Variants in ZBTB7C observed in about 807,000 individuals in gnomAD.
The protein encoded by ZBTB7C is zinc finger and BTB domain-containing protein 7C.
Under a neutral mutation model 25.7 loss-of-function variants are expected in ZBTB7C, and 8 were observed. The observed-to-expected ratio is 0.31, with a 90% CI of 0.18 to 0.56. The LOEUF is 0.56. Ranked by LOEUF, ZBTB7C falls within the 20% of genes least tolerant of loss-of-function variation. The probability of loss-of-function intolerance (pLI) is 0.91; values close to 1 mark genes in which losing one functional copy is unlikely to be tolerated. For synonymous variants in ZBTB7C, 394 were observed against 369.0 expected, an observed-to-expected ratio of 1.07 and a Z score of -0.78; for missense variants, 824 against 855.2, an observed-to-expected ratio of 0.96 and a Z score of 0.46.
Position 48,135,172 on chromosome 18 carries a change from T to G in ZBTB7C, c.-17+50762A>C, listed in dbSNP as rs115085253. On this transcript the variant is annotated intron_variant, in intron 3 of 4. Coordinates refer to ENST00000590800, the MANE Select transcript of ZBTB7C (RefSeq NM_001318841.2). The stretch of plus-strand genomic sequence containing the variant: ...TTCCCATTGACAGAGGCCAGAGATC[T>G]CGTCTGATTTCAGTTACTGATGTAT... Among the ~76,000 whole-genome samples the G allele has an allele frequency of 7.6e-3, 1,158 of 152,322 alleles. 19 individuals carry two copies. Among genetic ancestry groups the G allele is most frequent in the African/African-American group, 0.026 (1,098 of 41,560 alleles).
chr18:48,284,710 G>C (rs976251278), intron 2 of ZBTB7C, among the ~76,000 whole-genome samples: 1 of 146,198 alleles, frequency 6.8e-6, no homozygotes, highest in Non-Finnish European at 1.5e-5. Context: ...AGAATTGCTT[G>C]AACCCAGGAG....
chr18:48,360,949 AG>A (rs2047090703), intron 1 of ZBTB7C, among the ~76,000 whole-genome samples: 1 of 152,108 alleles, frequency 6.6e-6, no homozygotes, highest in Non-Finnish European at 1.5e-5. Flanking sequence ...CAAGGGTCAC[AG>A]GTGTGTTTTG....
intron 3 of ZBTB7C, among the ~76,000 whole-genome samples, chr18:48,070,214 G>A (rs950028713): frequency 6.6e-6 from 1 of 152,164 alleles, no homozygotes; most frequent in Non-Finnish European, 1.5e-5. Flanking sequence ...ACATAGCAGC[G>A]AATAAAAGTG....
chr18:48,353,585 A>G (rs1424254327), intron 1 of ZBTB7C, among the ~76,000 whole-genome samples: 1 of 152,132 alleles, frequency 6.6e-6, no homozygotes, highest in Non-Finnish European at 1.5e-5. Context: ...GTCCCCCAGT[A>G]TTCTCCAATC....
At chr18:48,395,262 AGAATGTGTGTGTGTGTGTGTGTG>A (rs2047994933) in intron 1 of ZBTB7C, among the ~76,000 whole-genome samples, 1 of 144,052 alleles carries the variant, frequency 6.9e-6, no homozygotes, top group South Asian at 2.2e-4. Flanking sequence ...AGAGAGAGAG[AGAATGTGTGTGTGTGTGTGTGTG>A]TGTGTGTGTG....
chr18:48,269,594 T>C (rs890453997), intron 2 of ZBTB7C, among the ~76,000 whole-genome samples: 4 of 152,222 alleles, frequency 2.6e-5, no homozygotes, highest in South Asian at 2.1e-4. Flanking sequence ...TGTGCTGATA[T>C]AGCGTAGGCA....
chr18:48,146,226 GT>G (rs2040494409), intron 3 of ZBTB7C, among the ~76,000 whole-genome samples: 2 of 152,228 alleles, frequency 1.3e-5, no homozygotes, highest in South Asian at 4.1e-4. Flanking sequence ...TGGAATAAAA[GT>G]TTTATAAATG....
Position 48,029,068 on chromosome 18 carries a change from G to A in ZBTB7C, c.*192C>T, listed in dbSNP as rs2035612357. On this transcript the variant is annotated 3_prime_UTR_variant, in exon 5 of 5. Coordinates refer to ENST00000590800, the MANE Select transcript of ZBTB7C (RefSeq NM_001318841.2). ...CCTGGCCTTTTGGGAAAAGATGCCC[G>A]TCTCAGACCAGCAAAAGGAGGCAGC... 1 of 809,508 alleles carries A rather than the reference G, an allele frequency of 1.2e-6. No homozygotes were observed. Among genetic ancestry groups the A allele is most frequent in the Non-Finnish European group, 1.8e-6 (1 of 558,578 alleles). The allele number at this position is 809,508 out of a possible 1,614,324, so 50.1% of individuals were successfully genotyped here. A position where few individuals can be genotyped will look rare whatever the true frequency, so the allele number is the denominator to read the frequency against.
chr18:48,041,014 G>A lies in ZBTB7C; in HGVS notation c.94C>T (p.Leu32=), dbSNP rs746728168. 12 of 1,614,102 alleles carry A rather than the reference G, an allele frequency of 7.4e-6. No individual in the cohort carries two copies. In the Admixed American group the frequency reaches 2.0e-4, roughly 27 times the overall value. The change falls in exon 4 of 5, where the codon CTG becomes TTG. Residue 32 remains leucine (L), a synonymous_variant. Coordinates refer to ENST00000590800, the MANE Select transcript of ZBTB7C (RefSeq NM_001318841.2). The stretch of plus-strand genomic sequence containing the variant: ...ACCACCAGGAGCACGTCACACAGCA[G>A]GCCATCGTGCCGTTGCTCATTGAGG... ...CSLNEQRHDG[L]LCDVLLVVQE... is the part of the protein sequence containing the mutation.
At chr18:48,129,738 G>A (rs547645980) in intron 3 of ZBTB7C, among the ~76,000 whole-genome samples, 1 of 152,314 alleles carries the variant, frequency 6.6e-6, no homozygotes, top group Non-Finnish European at 1.5e-5. Context: ...TCGTTGAAAG[G>A]CAGAAATGCA....
At chr18:48,395,133 A>G (rs935075363) in intron 1 of ZBTB7C, among the ~76,000 whole-genome samples, 5 of 152,032 alleles carry the variant, frequency 3.3e-5, no homozygotes, top group Admixed American at 3.3e-4. Flanking sequence ...TGGGGGCTAT[A>G]TTTTCCTCCT....
rs1027196368 is a variant in ZBTB7C, at chr18:48,059,357, G to A, written c.-16-18234C>T. On this transcript the variant is annotated intron_variant, in intron 3 of 4. Coordinates refer to ENST00000590800, the MANE Select transcript of ZBTB7C (RefSeq NM_001318841.2). The stretch of plus-strand genomic sequence containing the variant: ...AGCTTCCTATTTGCAAACAGAAGGC[G>A]GGGGTTAACTAAAAGGCTCCAGCAC... Among the ~76,000 whole-genome samples the A allele has an allele frequency of 9.2e-5, 14 of 152,046 alleles. 1 individual carries two copies. Among genetic ancestry groups the A allele is most frequent in the South Asian group, 6.2e-4 (3 of 4,824 alleles).
chr18:48,108,978 G>C (rs1290486970), intron 3 of ZBTB7C, among the ~76,000 whole-genome samples: 2 of 152,080 alleles, frequency 1.3e-5, no homozygotes, highest in East Asian at 3.9e-4. Flanking sequence ...AGGAAGGGGG[G>C]CTCTGAGCTA....
intron 2 of ZBTB7C, among the ~76,000 whole-genome samples, chr18:48,308,819 G>A (rs1423572006): frequency 2.0e-5 from 3 of 152,152 alleles, no homozygotes; most frequent in Non-Finnish European, 2.9e-5. Context: ...ACATTCTCGA[G>A]CCCCATCCCA....
intron 2 of ZBTB7C, among the ~76,000 whole-genome samples, chr18:48,334,819 G>T (rs563397698): frequency 6.6e-6 from 1 of 152,224 alleles, no homozygotes; most frequent in Non-Finnish European, 1.5e-5. Flanking sequence ...AGGCTGGGAG[G>T]CAGGAGACAG....
chr18:48,245,058 T>C (rs2043635388), intron 2 of ZBTB7C, among the ~76,000 whole-genome samples: 1 of 129,802 alleles, frequency 7.7e-6, no homozygotes, highest in Admixed American at 8.1e-5. Context: ...TGCCCATCAA[T>C]CAACAAGTGG....
chr18:48,306,143 G>T (rs1598831515), intron 2 of ZBTB7C, among the ~76,000 whole-genome samples: 1 of 152,188 alleles, frequency 6.6e-6, no homozygotes, highest in South Asian at 2.1e-4. Context: ...ATTTTAGCAA[G>T]AAATTTGACA....
At chr18:48,047,623 C>G (rs537675784) in intron 3 of ZBTB7C, among the ~76,000 whole-genome samples, 2 of 152,224 alleles carry the variant, frequency 1.3e-5, no homozygotes, top group East Asian at 3.9e-4. Flanking sequence ...CGGGTAAGTC[C>G]AAGCAACCCT....
At chr18:48,404,116 G>A (rs918228248) in intron 1 of ZBTB7C, among the ~76,000 whole-genome samples, 1 of 152,214 alleles carries the variant, frequency 6.6e-6, no homozygotes, top group Non-Finnish European at 1.5e-5. Flanking sequence ...AACCAGCCAT[G>A]GCGGGGCCGC....
Sources: allele counts gnomAD v4.1 joint callset (sites outside exome capture counted in the v4.1 genomes callset), GRCh38; gene constraint gnomAD v4.1.1; transcripts MANE v1.5; gene names NCBI Gene and HGNC (gene_info 2026-07-23, HGNC 2026-07-21).